The following SAMD3 variants were observed in gnomAD, a reference collection of about 807,000 sequenced individuals.
SAMD3 encodes the protein sterile alpha motif domain-containing protein 3.
SAMD3 carries 63 observed loss-of-function variants against 58.5 expected under a neutral mutation model. The observed-to-expected ratio is 1.08, with a 90% CI of 0.88 to 1.33. The LOEUF (loss-of-function observed/expected upper bound fraction) is 1.33. Among genes scored for constraint, SAMD3 ranks in the 40% most tolerant of loss-of-function variants. The pLI is 0.00. For missense variants in SAMD3, 604 were observed against 608.4 expected, an observed-to-expected ratio of 0.99 and a Z score of 0.08; for synonymous variants, 220 against 210.3, an observed-to-expected ratio of 1.05 and a Z score of -0.40.
upstream of SAMD3, chr6:130,365,574 G>A (rs907883683): frequency 2.5e-5 from 25 of 985,250 alleles, no homozygotes; most frequent in Non-Finnish European, 2.9e-5. Flanking sequence ...GAGTCGGCTG[G>A]AGCTCCCCAG....
At chr6:130,163,473 C>T (rs556611828) in intron 8 of SAMD3, among the ~76,000 whole-genome samples, 1 of 152,316 alleles carries the variant, frequency 6.6e-6, no homozygotes, top group African/African-American at 2.4e-5. Context: ...AGCATTCAGG[C>T]ATGTGTCTCA....
downstream of SAMD3, chr6:130,143,007 T>C (rs1788353473): frequency 6.6e-6 from 1 of 152,232 alleles, no homozygotes; most frequent in African/African-American, 2.4e-5. Context: ...AATTGTTACT[T>C]ACTCTGCCTG....
At chr6:130,152,699 TAAAAC>T (rs1033997983) in intron 9 of SAMD3, among the ~76,000 whole-genome samples, 1 of 151,508 alleles carries the variant, frequency 6.6e-6, no homozygotes, top group Non-Finnish European at 1.5e-5. Flanking sequence ...AATAAATAAA[TAAAAC>T]AATCAACAGG....
In SAMD3 at chr6:130,233,198, G is replaced by A. The variant is rs144379841; in HGVS notation, c.-187-10385C>T. ...TTTGTGGATTTCCATGACCACACTAGGTCCAGTAATTCACTAGAAAGCATC... is the reference window on the plus strand; with the variant it reads ...TTTGTGGATTTCCATGACCACACTAAGTCCAGTAATTCACTAGAAAGCATC... On this transcript the variant is annotated intron_variant, in intron 2 of 13. Coordinates refer to the SAMD3 transcript ENST00000368134. 6.3e-4 allele frequency among the ~76,000 whole-genome samples: 96 copies of A among 152,250 alleles called. 1 individual carries two copies. The East Asian group carries it at 0.014, about 23-fold the overall frequency.
chr6:130,203,525 C>T (rs144838481), intron 5 of SAMD3, among the ~76,000 whole-genome samples: 1 of 152,326 alleles, frequency 6.6e-6, no homozygotes, highest in Non-Finnish European at 1.5e-5. Context: ...GATTGAATCA[C>T]CATGAGTGAC....
chr6:130,347,810 T>C (rs1777503144), intron 1 of SAMD3, among the ~76,000 whole-genome samples: 1 of 152,140 alleles, frequency 6.6e-6, no homozygotes, highest in Non-Finnish European at 1.5e-5. Context: ...GGAAAAAATG[T>C]TAAGGGCAGC....
chr6:130,167,042 A>G (rs573097584), intron 8 of SAMD3, among the ~76,000 whole-genome samples: 1 of 152,272 alleles, frequency 6.6e-6, no homozygotes, highest in Admixed American at 6.5e-5. Flanking sequence ...ATAACCAGGT[A>G]TGCATAACGG....
intron 9 of SAMD3, among the ~76,000 whole-genome samples, chr6:130,153,662 ATATT>A (rs1342656598): frequency 0.11 from 13,775 of 130,934 alleles, 1,165 homozygotes; most frequent in African/African-American, 0.16. Context: ...ATATATATAT[ATATT>A]TATTTATTTA....
chr6:130,286,751 G>A (rs1030384344), intron 2 of SAMD3, among the ~76,000 whole-genome samples: 4 of 151,922 alleles, frequency 2.6e-5, no homozygotes, highest in Admixed American at 1.3e-4. Flanking sequence ...TTGCTCTGTC[G>A]CCCAGGCTGG....
chr6:130,161,504 A>C (rs1790277163), intron 8 of SAMD3: 1 of 152,174 alleles, frequency 6.6e-6, no homozygotes, highest in African/African-American at 2.4e-5. Context: ...GACTGATGGG[A>C]TTAACACAGT....
chr6:130,334,625 T>A (rs961767639), intron 1 of SAMD3, among the ~76,000 whole-genome samples: 48 of 152,346 alleles, frequency 3.2e-4, no homozygotes, highest in African/African-American at 1.1e-3. Context: ...AAAACGGGGA[T>A]CATTACACTT....
At chr6:130,274,705 C>T (rs1376990150) in intron 2 of SAMD3, among the ~76,000 whole-genome samples, 1 of 150,272 alleles carries the variant, frequency 6.7e-6, no homozygotes, top group Admixed American at 6.6e-5. Context: ...ACTGCAACTT[C>T]TTAATTGGAA....
intron 2 of SAMD3, among the ~76,000 whole-genome samples, chr6:130,259,442 C>T (rs1774037784): frequency 6.6e-6 from 1 of 152,182 alleles, no homozygotes; most frequent in Middle Eastern, 3.4e-3. Context: ...ACTCACTCAC[C>T]TGAGTGAGGA....
chr6:130,215,234 C>T lies in SAMD3; in HGVS notation c.40G>A (p.Val14Met), dbSNP rs150807264. 113 of 1,611,320 alleles carry T rather than the reference C, an allele frequency of 7.0e-5. 1 individual carries two copies. In the African/African-American group the frequency reaches 1.2e-3, roughly 17 times the overall value. Residue 14 changes from valine to methionine, a missense_variant, in exon 3 of 12, where the codon GTG becomes ATG. Coordinates refer to ENST00000439090, the MANE Select transcript of SAMD3 (RefSeq NM_001017373.4). Reference protein sequence around the residue: ...WSVEQVCSWLVEKNLGELVHR... With the variant: ...WSVEQVCSWLMEKNLGELVHR... ...ACTAGCTCTCCTAAATTTTTCTCCA[C>T]CAACCAACTGCAGACCTGCTCAACT...
At chr6:130,308,837 AAATT>A (rs1409646877) in intron 2 of SAMD3, among the ~76,000 whole-genome samples, 10 of 152,290 alleles carry the variant, frequency 6.6e-5, no homozygotes, top group African/African-American at 2.4e-4. Flanking sequence ...TAAAATACCA[AAATT>A]AATATCACAA....
chr6:130,211,681 T>C lies in SAMD3; in HGVS notation c.270-2073A>G, dbSNP rs537622372. On this transcript the variant is annotated intron_variant, in intron 4 of 11. Coordinates refer to ENST00000439090, the MANE Select transcript of SAMD3 (RefSeq NM_001017373.4). ...CAAACCAATGTAAATCTTACGCTGA[T>C]TGATGTCTTATGTCTCCGTAAAATG... Among the ~76,000 whole-genome samples the C allele has an allele frequency of 1.3e-3, 193 of 152,184 alleles. 1 individual carries two copies. The highest frequency in any genetic ancestry group is 4.6e-3 in the African/African-American group (190 of 41,524).
intron 1 of SAMD3, among the ~76,000 whole-genome samples, chr6:130,321,721 A>G (rs908743172): frequency 5.7e-5 from 6 of 105,290 alleles, no homozygotes; most frequent in African/African-American, 3.3e-4. Flanking sequence ...AAATAAGATG[A>G]GAACAGCATC....
chr6:130,215,675 C>A, intron 2 of SAMD3: 1 of 1,422,596 alleles, frequency 7.0e-7, no homozygotes, highest in Non-Finnish European at 9.2e-7. Context: ...CACTACCAGG[C>A]TCCTCAGGAA....
At chr6:130,239,369 G>C (rs910643248) in intron 2 of SAMD3, among the ~76,000 whole-genome samples, 1 of 152,102 alleles carries the variant, frequency 6.6e-6, no homozygotes, top group African/African-American at 2.4e-5. Context: ...CTATCTGTAG[G>C]TATATTGAGG....
Sources: allele counts gnomAD v4.1 joint callset (sites outside exome capture counted in the v4.1 genomes callset), GRCh38; gene constraint gnomAD v4.1.1; transcripts MANE v1.5; gene names NCBI Gene and HGNC (gene_info 2026-07-23, HGNC 2026-07-21).